Variants in B4GALNT3 observed in about 807,000 individuals in gnomAD.
B4GALNT3 encodes beta-1,4-N-acetyl-galactosaminyltransferase 3, also known as beta-1,4-N-acetylgalactosaminyltransferase 3.
Under a neutral mutation model 120.2 loss-of-function variants are expected in B4GALNT3, and 86 were observed. The ratio of observed to expected loss-of-function variants is 0.72; its 90% CI spans 0.60 to 0.86. B4GALNT3 has a LOEUF of 0.86. Among genes scored for constraint, B4GALNT3 ranks in the 40% least tolerant of loss-of-function variants. The pLI is 0.00. For missense variants in B4GALNT3, 1,167 were observed against 1,298.9 expected (o/e 0.90, Z 1.56); for synonymous variants, 518 against 510.4 (o/e 1.01, Z -0.20).
intron 13 of B4GALNT3, chr12:552,777 G>A (rs1171334802): frequency 1.5e-5 from 8 of 550,300 alleles, no homozygotes; most frequent in Admixed American, 1.0e-4. Context: ...AGAGCCCGGG[G>A]GAGGTTACTT....
chr12:539,912 A>AAAAAT lies in B4GALNT3; in HGVS notation c.351+3634_351+3638dup, dbSNP rs199782905. Among the ~76,000 whole-genome samples the AAAAAT allele has an allele frequency of 9.0e-3, 1,367 of 152,278 alleles. 24 individuals carry two copies. The highest frequency in any genetic ancestry group is 0.031 in the African/African-American group (1,308 of 41,534). ...GGCAGCGGAGTGAGACCCTGACCTT[A>AAAAAT]AAAATAAAATAAAATAAAATAGATC... On this transcript the variant is annotated intron_variant, in intron 3 of 19. Transcript: ENST00000266383.
intron 1 of B4GALNT3, among the ~76,000 whole-genome samples, chr12:511,715 TCCG>T (rs1200964877): frequency 2.5e-5 from 3 of 118,642 alleles, no homozygotes; most frequent in Admixed American, 1.6e-4. Flanking sequence ...CCTTCCACCT[TCCG>T]CCTTCCACCT....
chr12:492,719 G>A (rs1486711740), intron 1 of B4GALNT3, among the ~76,000 whole-genome samples: 5 of 152,132 alleles, frequency 3.3e-5, no homozygotes, highest in South Asian at 2.1e-4. Context: ...AAGAGAGTAC[G>A]GAGCTACAGT....
Position 558,447 on chromosome 12 carries a change from C to T in B4GALNT3, c.2608-61C>T, listed in dbSNP as rs377477709. On this transcript the variant is annotated intron_variant, in intron 17 of 19. Transcript: ENST00000266383. ...AGACTCCGAGGCTTCTCCTAGACGG[C>T]GACCTGACCTCCTAGCTCTGGTCTG... The T allele has an allele frequency of 2.4e-4, 358 of 1,517,382 alleles. 1 individual carries two copies. Among genetic ancestry groups the T allele is most frequent in the African/African-American group, 1.9e-3 (141 of 72,398 alleles). 94.0% of individuals were successfully genotyped at this position (1,517,382 alleles called of 1,614,324 possible).
intron 14 of B4GALNT3, among the ~76,000 whole-genome samples, chr12:554,919 T>A (rs1053839628): frequency 2.0e-5 from 3 of 151,280 alleles, no homozygotes; most frequent in African/African-American, 7.3e-5. Flanking sequence ...GGCTCACGCC[T>A]CTAATCCCAA....
At chr12:522,962 AAAG>A (rs1946725904) in intron 1 of B4GALNT3, among the ~76,000 whole-genome samples, 5 of 151,210 alleles carry the variant, frequency 3.3e-5, no homozygotes, top group African/African-American at 1.2e-4. Context: ...AAAAAAAAAA[AAAG>A]GTTAAAGTGG....
chr12:552,420 G>A, intron 12 of B4GALNT3, 47 bp from the exon 13 acceptor site: 2 of 1,576,222 alleles, frequency 1.3e-6, no homozygotes, highest in Non-Finnish European at 1.7e-6. Flanking sequence ...CCAGGGCTGA[G>A]CCCGCCATGC....
At chr12:521,009 A>G (rs1946703879) in intron 1 of B4GALNT3, among the ~76,000 whole-genome samples, 1 of 152,170 alleles carries the variant, frequency 6.6e-6, no homozygotes, top group Non-Finnish European at 1.5e-5. Context: ...TGTATCTTTG[A>G]TACCTTCAGC....
chr12:515,213 G>C (rs1218590200), intron 1 of B4GALNT3, among the ~76,000 whole-genome samples: 4 of 152,068 alleles, frequency 2.6e-5, no homozygotes, highest in African/African-American at 9.7e-5. Flanking sequence ...TTTTGAGACA[G>C]TCTCACTCTG....
At chr12:534,769 C>T in intron 1 of B4GALNT3, among the ~76,000 whole-genome samples, 1 of 152,206 alleles carries the variant, frequency 6.6e-6, no homozygotes, top group Non-Finnish European at 1.5e-5. Context: ...TCCCCGGGCT[C>T]AGGGCACAGA....
At chr12:509,814 C>T (rs1285591142) in intron 1 of B4GALNT3, among the ~76,000 whole-genome samples, 1 of 152,156 alleles carries the variant, frequency 6.6e-6, no homozygotes, top group Non-Finnish European at 1.5e-5. Context: ...TGTGACCCCA[C>T]CCAGTGCCAT....
chr12:461,119 G>C (rs1946018694), intron 1 of B4GALNT3, among the ~76,000 whole-genome samples: 1 of 151,932 alleles, frequency 6.6e-6, no homozygotes, highest in African/African-American at 2.4e-5. Context: ...CCCATACGTC[G>C]CTCCTCTCCC....
chr12:481,921 A>C (rs1390967277), intron 1 of B4GALNT3, among the ~76,000 whole-genome samples: 7 of 152,064 alleles, frequency 4.6e-5, no homozygotes, highest in African/African-American at 1.7e-4. Context: ...TGTAGACCAG[A>C]AAACATTGAT....
At chr12:528,835 G>A (rs1946780629) in intron 1 of B4GALNT3, among the ~76,000 whole-genome samples, 1 of 152,220 alleles carries the variant, frequency 6.6e-6, no homozygotes, top group Non-Finnish European at 1.5e-5. Flanking sequence ...CGCCCTGGAT[G>A]TCATGGCCTC....
chr12:527,547 G>C (rs912459792), intron 1 of B4GALNT3, among the ~76,000 whole-genome samples: 20 of 152,208 alleles, frequency 1.3e-4, no homozygotes, highest in Non-Finnish European at 2.6e-4. Flanking sequence ...GGGTAGCGTC[G>C]GGGAAGAGAC....
intron 1 of B4GALNT3, among the ~76,000 whole-genome samples, chr12:476,090 C>T (rs978567432): frequency 2.0e-5 from 3 of 152,144 alleles, no homozygotes; most frequent in Non-Finnish European, 4.4e-5. Context: ...AGTCAGACTA[C>T]GTGACTTTGA....
In B4GALNT3 at chr12:536,223, C is replaced by T. The variant is rs142668591; in HGVS notation, c.279C>T (p.His93=). Residue 93 remains histidine (H), a synonymous_variant, in exon 3 of 20, where the codon CAC becomes CAT. Transcript: ENST00000266383. ...GTTCTTCATTCTTCCCCTAGGACCA[C>T]GACATTGACCAAGGGGTGAGCAGTA... ...YHPQRLSLED[H]DIDQGVSSNS... is the part of the protein sequence containing the mutation. 1.1e-4 allele frequency: 178 copies of T among 1,613,710 alleles called. No individual in the cohort carries two copies. The African/African-American group carries it at 2.0e-3, about 18-fold the overall frequency.
At chr12:467,264 A>AT (rs1295706183) in intron 1 of B4GALNT3, among the ~76,000 whole-genome samples, 1 of 152,138 alleles carries the variant, frequency 6.6e-6, no homozygotes, top group African/African-American at 2.4e-5. Flanking sequence ...CTTTATGATG[A>AT]TAAAAATAAT....
At chr12:465,893 G>A (rs1458293841) in intron 1 of B4GALNT3, among the ~76,000 whole-genome samples, 1 of 144,082 alleles carries the variant, frequency 6.9e-6, no homozygotes, top group African/African-American at 2.6e-5. Flanking sequence ...TCCCTGTCCT[G>A]GGGGTTGAGG....
Sources: allele counts gnomAD v4.1 joint callset (sites outside exome capture counted in the v4.1 genomes callset), GRCh38; gene constraint gnomAD v4.1.1; transcripts MANE v1.5; gene names NCBI Gene and HGNC (gene_info 2026-07-23, HGNC 2026-07-21).